The following CREBRF variants were observed in gnomAD, a reference collection of about 807,000 sequenced individuals.
CREBRF encodes the protein UPF0474 protein C5orf41.
CREBRF carries 5 observed loss-of-function variants against 66.1 expected under a neutral mutation model. The ratio of observed to expected loss-of-function variants is 0.08; its 90% CI spans 0.04 to 0.16. The LOEUF is 0.16. Among genes scored for constraint, CREBRF ranks in the 10% least tolerant of loss-of-function variants. The pLI, the probability that CREBRF is intolerant of heterozygous loss-of-function variation, is 1.00. For synonymous variants in CREBRF, 229 were observed against 264.4 expected (o/e 0.87, Z 1.30); for missense variants, 531 against 744.9 (o/e 0.71, Z 3.34).
intron 7 of CREBRF, among the ~76,000 whole-genome samples, chr5:173,116,026 T>C (rs922915745): frequency 2.0e-5 from 3 of 152,218 alleles, no homozygotes; most frequent in African/African-American, 7.2e-5. Flanking sequence ...ACACCAGGCA[T>C]TGTGGCATGC....
intron 1 of CREBRF, among the ~76,000 whole-genome samples, chr5:173,065,833 C>T (rs1241281174): frequency 1.3e-5 from 2 of 151,508 alleles, no homozygotes; most frequent in African/African-American, 4.9e-5. Context: ...GACAGGGTTT[C>T]CCCACATTGC....
chr5:173,111,387 C>G (rs1005128538), intron 6 of CREBRF, among the ~76,000 whole-genome samples: 1 of 152,160 alleles, frequency 6.6e-6, no homozygotes, highest in African/African-American at 2.4e-5. Context: ...CCGCCTCAGC[C>G]CCCTAAGTAG....
intron 1 of CREBRF, among the ~76,000 whole-genome samples, chr5:173,069,190 T>A (rs1216972689): frequency 1.3e-5 from 2 of 152,074 alleles, no homozygotes; most frequent in African/African-American, 4.8e-5. Context: ...ATAGCCACCA[T>A]TTATTGAGTG....
At chr5:173,069,043 GCCT>G (rs1757521969) in intron 1 of CREBRF, among the ~76,000 whole-genome samples, 1 of 151,692 alleles carries the variant, frequency 6.6e-6, no homozygotes. Flanking sequence ...CTGCACTCCA[GCCT>G]GGGCGACAGA....
chr5:173,114,793 A>T (rs1758946610), intron 7 of CREBRF, among the ~76,000 whole-genome samples: 1 of 152,208 alleles, frequency 6.6e-6, no homozygotes, highest in African/African-American at 2.4e-5. Flanking sequence ...TGAGAAATAG[A>T]ACTGTTAGCT....
At chr5:173,133,543 C>A in intron 8 of CREBRF, 87 bp from the exon 9 acceptor site, 2 of 678,776 alleles carry the variant, frequency 2.9e-6, no homozygotes, top group East Asian at 2.8e-5. Context: ...AGGGCCACAC[C>A]TGAACCTCAG....
chr5:173,096,103 G>C (rs577390331), intron 4 of CREBRF, among the ~76,000 whole-genome samples: 183 of 152,172 alleles, frequency 1.2e-3, no homozygotes, highest in African/African-American at 4.0e-3. Context: ...TGAGTAGCTG[G>C]GACTACAGGT....
chr5:173,056,682 T>C (rs1757051948), intron 1 of CREBRF, among the ~76,000 whole-genome samples: 1 of 151,426 alleles, frequency 6.6e-6, no homozygotes, highest in South Asian at 2.1e-4. Flanking sequence ...GGGGCTCCGC[T>C]CCCCTCCCCC....
chr5:173,076,057 C>CAAAAAAAAAAAAAAAAAAA (rs35215379), intron 1 of CREBRF, among the ~76,000 whole-genome samples: 1 of 92,584 alleles, frequency 1.1e-5, no homozygotes, highest in African/African-American at 4.1e-5. Context: ...CCCATCTCTA[C>CAAAAAAAAAAAAAAAAAAA]AAAAAAAAAA....
chr5:173,126,041 T>C (rs7713309), intron 8 of CREBRF, among the ~76,000 whole-genome samples: 1 of 152,118 alleles, frequency 6.6e-6, no homozygotes, highest in Non-Finnish European at 1.5e-5. Context: ...CACCTGTCTT[T>C]CTGAGATTTC....
chr5:173,089,502 A>G (rs980693362), intron 3 of CREBRF, among the ~76,000 whole-genome samples: 39 of 151,956 alleles, frequency 2.6e-4, no homozygotes, highest in African/African-American at 8.9e-4. Context: ...TGCTGCATTC[A>G]TTTCAATGGC....
chr5:173,060,665 C>T (rs544605177), intron 1 of CREBRF, among the ~76,000 whole-genome samples: 5 of 151,324 alleles, frequency 3.3e-5, no homozygotes, highest in Non-Finnish European at 5.9e-5. Context: ...AACTCTTAGA[C>T]GAGACATAAA....
Position 173,127,249 on chromosome 5 carries a change from G to A in CREBRF, c.1804+4047G>A, listed in dbSNP as rs566146597. Among the ~76,000 whole-genome samples, 13 of 139,084 alleles carry A rather than the reference G, an allele frequency of 9.3e-5. No homozygotes were observed. In the South Asian group the frequency reaches 1.2e-3, roughly 13 times the overall value. 91.2% of individuals were successfully genotyped at this position (139,084 alleles called of 152,430 possible). A position where few individuals can be genotyped will look rare whatever the true frequency, so the allele number is the denominator to read the frequency against. On this transcript the variant is annotated intron_variant, in intron 8 of 8. Coordinates refer to ENST00000296953, the MANE Select transcript of CREBRF (RefSeq NM_153607.3). ...ACTATCTTGACTCACTGCAACCTCC[G>A]CCTCCTGGGTTCAAGTGGTTCTTAT... is the stretch of plus-strand genomic sequence containing the variant.
At chr5:173,091,975 A>G (rs1282278233) in intron 4 of CREBRF, 1 of 262,826 alleles carries the variant, frequency 3.8e-6, no homozygotes, top group African/African-American at 2.3e-5. Context: ...CAGCTACTCC[A>G]GAGGTTGAGG....
At chr5:173,056,818 C>A (rs1757058848) in intron 1 of CREBRF, among the ~76,000 whole-genome samples, 2 of 151,938 alleles carry the variant, frequency 1.3e-5, no homozygotes, top group African/African-American at 4.8e-5. Flanking sequence ...CCCGGCCCTT[C>A]CCCGCTGCCT....
At position 173,138,763 on chromosome 5, in the gene CREBRF, T is replaced by G. The variant is rs1436414010; in HGVS notation, c.*5018T>G. The G allele has an allele frequency of 6.6e-6, 1 of 152,208 alleles. No homozygotes were observed. Among genetic ancestry groups the G allele is most frequent in the African/African-American group, 2.4e-5 (1 of 41,448 alleles). 9.4% of individuals were successfully genotyped at this position (152,208 alleles called of 1,614,324 possible). A position where few individuals can be genotyped will look rare whatever the true frequency, so the allele number is the denominator to read the frequency against. ...TGTATGTGTGTACTGTATCTGCCTT[T>G]CCACCACATTTTTATGACACTGTAT... is the stretch of plus-strand genomic sequence containing the variant. On this transcript the variant is annotated 3_prime_UTR_variant, in exon 9 of 9. Transcript: ENST00000296953.
intron 1 of CREBRF, among the ~76,000 whole-genome samples, chr5:173,063,037 G>A (rs905549964): frequency 2.6e-5 from 4 of 152,048 alleles, no homozygotes; most frequent in Admixed American, 6.5e-5. Context: ...GTGAGCCACC[G>A]CGCCCAGCCT....
intron 1 of CREBRF, among the ~76,000 whole-genome samples, chr5:173,068,734 C>T (rs138724675): frequency 2.0e-5 from 3 of 152,054 alleles, no homozygotes; most frequent in Non-Finnish European, 4.4e-5. Flanking sequence ...CCATATTCAC[C>T]CTGGTTCTAG....
chr5:173,085,539 C>A (rs1437124276), intron 2 of CREBRF: 10 of 550,816 alleles, frequency 1.8e-5, no homozygotes, highest in Non-Finnish European at 3.2e-5. Flanking sequence ...ACCTCAGCCT[C>A]CTGAGTAGCT....
Sources: gnomAD v4.1 joint callset for allele counts (sites outside exome capture counted in the v4.1 genomes callset) on GRCh38, gnomAD v4.1.1 for gene constraint, MANE v1.5 for transcripts, NCBI Gene and HGNC (gene_info 2026-07-23, HGNC 2026-07-21) for gene names.